EXOC6: variants seen among roughly 807,000 people sequenced by gnomAD.
EXOC6 encodes SEC15-like 1.
EXOC6 carries 60 observed loss-of-function variants against 112.5 expected under a neutral mutation model. The observed-to-expected ratio is 0.53, with a 90% CI of 0.43 to 0.66. The LOEUF is 0.66. EXOC6 is among the 30% of genes least tolerant of loss of function. The pLI is 0.00. For synonymous variants in EXOC6, 295 were observed against 308.0 expected (o/e 0.96, Z 0.44); for missense variants, 855 against 957.1 (o/e 0.89, Z 1.41).
intron 20 of EXOC6, among the ~76,000 whole-genome samples, chr10:93,026,705 T>G (rs1845040614): frequency 6.6e-6 from 1 of 152,204 alleles, no homozygotes; most frequent in African/African-American, 2.4e-5. Flanking sequence ...GTTACCATTG[T>G]AATTGTTTTG....
At chr10:92,929,560 A>C (rs1291345890) in intron 9 of EXOC6, among the ~76,000 whole-genome samples, 4 of 152,240 alleles carry the variant, frequency 2.6e-5, no homozygotes, top group African/African-American at 9.6e-5. Flanking sequence ...ATTATTAGCC[A>C]TAGAGTATAT....
At chr10:92,996,064 T>G (rs1178734109) in intron 18 of EXOC6, among the ~76,000 whole-genome samples, 1 of 152,222 alleles carries the variant, frequency 6.6e-6, no homozygotes, top group Non-Finnish European at 1.5e-5. Flanking sequence ...GAGATTTTGG[T>G]CACGATTTTG....
rs58871930 is a variant in EXOC6, at chr10:92,837,097, A to AACACACACACAC, written c.86+2301_86+2312dup. ...CTTTAGCCTGAAATGGTTATAACAT[A>AACACACACACAC]ACACACACACACACACACACACACA... is the stretch of plus-strand genomic sequence containing the variant. On this transcript the variant is annotated intron_variant, in intron 1 of 21. Coordinates refer to the EXOC6 transcript ENST00000371552. 6.1e-3 allele frequency among the ~76,000 whole-genome samples: 846 copies of AACACACACACAC among 139,830 alleles called. 3 individuals are homozygous for AACACACACACAC. The highest frequency in any genetic ancestry group is 7.6e-3 in the Non-Finnish European group (492 of 64,806). The allele number at this position is 139,830 out of a possible 152,430, so 91.7% of individuals were successfully genotyped here.
intron 14 of EXOC6, among the ~76,000 whole-genome samples, chr10:92,951,606 T>C (rs549668203): frequency 6.6e-6 from 1 of 152,264 alleles, no homozygotes; most frequent in East Asian, 1.9e-4. Context: ...AAGGGTATAT[T>C]AGACTTACTG....
At chr10:92,887,437 G>C (rs1444017435) in intron 1 of EXOC6, among the ~76,000 whole-genome samples, 1 of 115,606 alleles carries the variant, frequency 8.7e-6, no homozygotes, top group East Asian at 2.6e-4. Flanking sequence ...CGTTCTTATC[G>C]CCCAGGCTGG....
chr10:93,002,689 TCA>T (rs1200017708), intron 19 of EXOC6, among the ~76,000 whole-genome samples: 1 of 152,218 alleles, frequency 6.6e-6, no homozygotes, highest in Admixed American at 6.5e-5. Context: ...TGAATCTAAC[TCA>T]CAGTTTGGCA....
At chr10:92,852,047 C>G (rs1847375692) in intron 1 of EXOC6, among the ~76,000 whole-genome samples, 2 of 152,148 alleles carry the variant, frequency 1.3e-5, no homozygotes, top group East Asian at 1.9e-4. Context: ...CCAGCCTAGG[C>G]AACAGAGTGA....
intron 9 of EXOC6, among the ~76,000 whole-genome samples, chr10:92,930,045 A>G (rs992820219): frequency 3.9e-5 from 6 of 152,224 alleles, no homozygotes; most frequent in Admixed American, 3.9e-4. Flanking sequence ...CAGAACACCA[A>G]AGATAAAGAG....
intron 1 of EXOC6, among the ~76,000 whole-genome samples, chr10:92,879,565 T>A (rs1331731081): frequency 2.0e-5 from 3 of 148,832 alleles, no homozygotes; most frequent in African/African-American, 7.3e-5. Flanking sequence ...CTAACATGAA[T>A]AAATCATAAA....
intron 19 of EXOC6, among the ~76,000 whole-genome samples, chr10:93,000,282 T>A (rs1475382558): frequency 6.6e-6 from 1 of 152,166 alleles, no homozygotes; most frequent in African/African-American, 2.4e-5. Context: ...CAAGTTCAGT[T>A]GTCTAAATCT....
upstream of EXOC6, among the ~76,000 whole-genome samples, chr10:92,832,593 C>T (rs571645117): frequency 1.3e-4 from 20 of 152,034 alleles, no homozygotes; most frequent in African/African-American, 4.6e-4. Context: ...GGTGTACACT[C>T]TTAAGCATTA....
chr10:92,975,673 G>A (rs1842537899), intron 18 of EXOC6, among the ~76,000 whole-genome samples: 1 of 121,154 alleles, frequency 8.3e-6, no homozygotes, highest in Non-Finnish European at 1.8e-5. Context: ...GGGCGCCTCT[G>A]CCCGGCAGCC....
intron 12 of EXOC6, among the ~76,000 whole-genome samples, chr10:92,939,695 G>A (rs188585890): frequency 1.2e-4 from 18 of 152,108 alleles, no homozygotes; most frequent in African/African-American, 2.4e-4. Flanking sequence ...TTGCCCTAGC[G>A]AGCTAGAAGA....
At chr10:93,034,623 C>A (rs1487019221) in intron 20 of EXOC6, among the ~76,000 whole-genome samples, 1 of 152,190 alleles carries the variant, frequency 6.6e-6, no homozygotes, top group African/African-American at 2.4e-5. Context: ...AGAGACTGGA[C>A]GTCTGCCAGG....
intron 12 of EXOC6, among the ~76,000 whole-genome samples, chr10:92,937,953 T>C (rs960479756): frequency 6.6e-6 from 1 of 152,162 alleles, no homozygotes; most frequent in African/African-American, 2.4e-5. Flanking sequence ...CCTCAGAATG[T>C]AAATTAACTA....
intron 20 of EXOC6, among the ~76,000 whole-genome samples, chr10:93,025,486 T>C (rs1001214548): frequency 1.2e-4 from 19 of 152,300 alleles, no homozygotes; most frequent in Admixed American, 2.6e-4. Flanking sequence ...ATAAAATAGG[T>C]TTTTATTGGC....
At chr10:93,033,773 C>T (rs1419503152) in intron 20 of EXOC6, among the ~76,000 whole-genome samples, 1 of 152,104 alleles carries the variant, frequency 6.6e-6, no homozygotes, top group Non-Finnish European at 1.5e-5. Flanking sequence ...GATTGAGTGC[C>T]AGGCACTGGG....
intron 17 of EXOC6, among the ~76,000 whole-genome samples, chr10:92,969,445 T>C (rs1842196115): frequency 6.6e-6 from 1 of 152,124 alleles, no homozygotes; most frequent in Non-Finnish European, 1.5e-5. Context: ...CCATAGAACC[T>C]GTGAGTATAA....
In EXOC6 at chr10:93,003,241, A is replaced by C. The variant is rs1233074434; in HGVS notation, c.2095+5626A>C. Among the ~76,000 whole-genome samples, 4 of 152,162 alleles carry C rather than the reference A, an allele frequency of 2.6e-5. No individual in the cohort carries two copies. In the East Asian group the frequency reaches 7.7e-4, roughly 29 times the overall value. ...ATCATACATGTATTTCCTCAGCCTC[A>C]AAATGTCAATCTGCAGGTAGAAACA... On this transcript the variant is annotated intron_variant, in intron 19 of 21. Coordinates refer to ENST00000260762, the MANE Select transcript of EXOC6 (RefSeq NM_019053.6).
Sources: allele counts gnomAD v4.1 joint callset (sites outside exome capture counted in the v4.1 genomes callset), GRCh38; gene constraint gnomAD v4.1.1; transcripts MANE v1.5; gene names NCBI Gene and HGNC (gene_info 2026-07-23, HGNC 2026-07-21).